Variants in NHSL2 observed in about 807,000 individuals in gnomAD.
NHSL2 encodes the protein NHS-like protein 2.
A neutral mutation model predicts 53.4 loss-of-function variants in NHSL2; 27 were observed. That is an observed-to-expected ratio of 0.51 (90% CI 0.37 to 0.70). The LOEUF (loss-of-function observed/expected upper bound fraction) is 0.70, where lower values mean the gene tolerates loss of function less well. Among genes scored for constraint, NHSL2 ranks in the 30% least tolerant of loss-of-function variants. The pLI is 0.00. For missense variants in NHSL2, 892 were observed against 980.1 expected (o/e 0.91, Z 1.20); for synonymous variants, 408 against 404.1 (o/e 1.01, Z -0.12).
At chrX:71,920,744 AT>A (rs1269862434) in intron 1 of NHSL2, among the ~76,000 whole-genome samples, 1 of 112,316 alleles carries the variant, frequency 8.9e-6, no homozygotes, top group African/African-American at 3.2e-5. Flanking sequence ...ACAAAAAAAA[AT>A]GATCTCGCAG....
chrX:72,142,083 A>T (rs1458777678), intron 6 of NHSL2, 149 bp from the exon 7 acceptor site: 1 of 429,364 alleles, frequency 2.3e-6, no homozygotes, highest in Non-Finnish European at 4.0e-6. Context: ...TGAACTTCAT[A>T]TTCCTCCTCT....
At chrX:71,964,587 A>G (rs893584091) in intron 1 of NHSL2, among the ~76,000 whole-genome samples, 7 of 111,535 alleles carry the variant, frequency 6.3e-5, no homozygotes, top group African/African-American at 1.6e-4. Context: ...AACTGGTCCA[A>G]TCAAATTCTG....
At chrX:72,001,447 T>C (rs753909655) in intron 1 of NHSL2, among the ~76,000 whole-genome samples, 74 of 111,916 alleles carry the variant, frequency 6.6e-4, no homozygotes, top group Non-Finnish European at 9.2e-4. Flanking sequence ...AACTAAAATG[T>C]ACTTTTCCCA....
chrX:72,019,202 C>G (rs1354841813), intron 1 of NHSL2, among the ~76,000 whole-genome samples: 1 of 112,388 alleles, frequency 8.9e-6, no homozygotes, highest in African/African-American at 3.2e-5. Flanking sequence ...TGCAGTGGAG[C>G]GCAGGAGAAA....
At chrX:71,912,135 T>C (rs757878714) in intron 1 of NHSL2, among the ~76,000 whole-genome samples, 2 of 112,743 alleles carry the variant, frequency 1.8e-5, no homozygotes, top group African/African-American at 3.2e-5. Flanking sequence ...CAGCCATGCC[T>C]GAGAAACCAG....
rs1485991890 is a variant in NHSL2, at chrX:72,138,636, A to T, written c.1088A>T (p.Asn363Ile). The T allele has an allele frequency of 9.4e-6, 11 of 1,169,244 alleles. No homozygotes were observed. Among genetic ancestry groups the T allele is most frequent in the Non-Finnish European group, 1.3e-5 (11 of 873,736 alleles). ...DEPHQARSGP[N>I]PPGMESMGMV... Reference sequence around the variant, plus strand: ...CCTCACCAGGCACGGAGTGGCCCAAACCCTCCTGGCATGGAGAGCATGGGA... The same window carrying T: ...CCTCACCAGGCACGGAGTGGCCCAATCCCTCCTGGCATGGAGAGCATGGGA... Residue 363 changes from asparagine to isoleucine, a missense_variant, in exon 6 of 8, where the codon AAC (asparagine) becomes ATC (isoleucine). Asn to Ile is a moderately radical substitution (Grantham distance 149, BLOSUM62 -3). Coordinates refer to ENST00000633930, the MANE Select transcript of NHSL2 (RefSeq NM_001013627.3).
Position 71,911,279 on chromosome X carries a change from C to G in NHSL2, c.192C>G (p.Arg64=), listed in dbSNP as rs955034461. The G allele has an allele frequency of 8.8e-7, 1 of 1,140,145 alleles. No homozygotes were observed. Among genetic ancestry groups the G allele is most frequent in the Non-Finnish European group, 1.2e-6 (1 of 864,467 alleles). The allele number at this position is 1,140,145 out of a possible 1,213,427, so 94.0% of individuals were successfully genotyped here. Residue 64 remains arginine (R), a synonymous_variant, in exon 1 of 8, where the codon CGC becomes CGG. Coordinates refer to ENST00000633930, the MANE Select transcript of NHSL2 (RefSeq NM_001013627.3). Reference sequence around the variant, plus strand: ...GGCACCTGCTGGCCCTGGGGCGCCGCACAGACAGCCTGTACCGGCGCACCG... The same window carrying G: ...GGCACCTGCTGGCCCTGGGGCGCCGGACAGACAGCCTGTACCGGCGCACCG... The part of the protein sequence containing the change: ...LEGHLLALGR[R]TDSLYRRTVR...
intron 1 of NHSL2, among the ~76,000 whole-genome samples, chrX:71,923,136 C>T (rs761911356): frequency 3.0e-4 from 33 of 111,176 alleles, no homozygotes; most frequent in African/African-American, 2.3e-4. Flanking sequence ...ATTTCACTCT[C>T]GTAAGATGCC....
At chrX:71,924,986 C>T (rs1171340891) in intron 1 of NHSL2, among the ~76,000 whole-genome samples, 1 of 112,303 alleles carries the variant, frequency 8.9e-6, no homozygotes, top group East Asian at 2.8e-4. Context: ...TGACTCATTC[C>T]TTTTTCTTCA....
intron 1 of NHSL2, among the ~76,000 whole-genome samples, chrX:72,072,949 T>C (rs1339626887): frequency 8.9e-6 from 1 of 111,959 alleles, no homozygotes; most frequent in Admixed American, 9.4e-5. Flanking sequence ...CAGGGTGATC[T>C]TAGGCAGCTC....
At chrX:71,938,657 C>T (rs1019007800) in intron 1 of NHSL2, among the ~76,000 whole-genome samples, 2 of 112,671 alleles carry the variant, frequency 1.8e-5, no homozygotes, top group Admixed American at 9.4e-5. Context: ...AGACATAGCT[C>T]GACTCTGGTT....
chrX:72,081,488 C>T (rs1383904047), intron 1 of NHSL2, among the ~76,000 whole-genome samples: 3 of 111,897 alleles, frequency 2.7e-5, no homozygotes, highest in Non-Finnish European at 5.7e-5. Flanking sequence ...AAGGAGGGGC[C>T]ACCCTCACCT....
chrX:72,009,189 G>T (rs1288542533), intron 1 of NHSL2, among the ~76,000 whole-genome samples: 1 of 112,859 alleles, frequency 8.9e-6, no homozygotes, highest in Non-Finnish European at 1.9e-5. Context: ...AGTGCTCACA[G>T]GAACTGGGAA....
At chrX:72,013,243 C>T (rs935008714) in intron 1 of NHSL2, among the ~76,000 whole-genome samples, 1 of 111,836 alleles carries the variant, frequency 8.9e-6, no homozygotes, top group African/African-American at 3.2e-5. Context: ...AGCATATAAG[C>T]GCTATACATA....
chrX:72,072,915 C>T (rs1050516761), intron 1 of NHSL2, among the ~76,000 whole-genome samples: 10 of 111,608 alleles, frequency 9.0e-5, no homozygotes, highest in Admixed American at 7.6e-4. Flanking sequence ...ACTTGGGTTC[C>T]GGTCTCTCTT....
At chrX:71,953,458 A>T (rs1005572813) in intron 1 of NHSL2, among the ~76,000 whole-genome samples, 3 of 112,412 alleles carry the variant, frequency 2.7e-5, no homozygotes, top group African/African-American at 9.7e-5. Context: ...GTAAAAGAGT[A>T]AGAAATTGAA....
chrX:71,992,646 T>C (rs1337358047), intron 1 of NHSL2, among the ~76,000 whole-genome samples: 1 of 112,312 alleles, frequency 8.9e-6, no homozygotes, highest in Admixed American at 9.4e-5. Context: ...TTAGGGTTTT[T>C]TGTTTTGTTT....
At chrX:72,075,071 G>A (rs1469410432) in intron 1 of NHSL2, among the ~76,000 whole-genome samples, 1 of 111,991 alleles carries the variant, frequency 8.9e-6, no homozygotes, top group Non-Finnish European at 1.9e-5. Context: ...AAGACATAAA[G>A]ACAAAATTAG....
At position 72,064,563 on chromosome X, in the gene NHSL2, C is replaced by T. The variant is rs931057947; in HGVS notation, c.281-67516C>T. The stretch of plus-strand genomic sequence containing the variant: ...AGTTCTTGTCCCAGCTCTTGGGTTC[C>T]GGGGGGCAGTCCAGAGATAGTACCA... On this transcript the variant is annotated intron_variant, in intron 1 of 7. Transcript: ENST00000633930. Among the ~76,000 whole-genome samples, 6 of 111,988 alleles carry T rather than the reference C, an allele frequency of 5.4e-5. No homozygotes were observed. In the East Asian group the frequency reaches 1.4e-3, roughly 26 times the overall value.
Sources: gnomAD v4.1 joint callset for allele counts (sites outside exome capture counted in the v4.1 genomes callset) on GRCh38, gnomAD v4.1.1 for gene constraint, MANE v1.5 for transcripts, NCBI Gene and HGNC (gene_info 2026-07-23, HGNC 2026-07-21) for gene names.